The following CDAN1 variants were observed in gnomAD, a reference collection of about 807,000 sequenced individuals.
CDAN1 encodes codanin 1.
CDAN1 carries 107 observed loss-of-function variants against 139.8 expected under a neutral mutation model. The ratio of observed to expected loss-of-function variants is 0.77; its 90% CI spans 0.65 to 0.90. The LOEUF (loss-of-function observed/expected upper bound fraction) is 0.90, where lower values mean the gene tolerates loss of function less well. Ranked by LOEUF, CDAN1 falls within the 40% of genes least tolerant of loss-of-function variation. The probability of loss-of-function intolerance (pLI) is 0.00; values close to 1 mark genes in which losing one functional copy is unlikely to be tolerated. For missense variants in CDAN1, 1,667 were observed against 1,575.7 expected (o/e 1.06, Z -0.98); for synonymous variants, 776 against 660.6 (o/e 1.17, Z -2.68).
Position 42,737,105 on chromosome 15 carries a change from C to G in CDAN1, c.-3G>C. ...AGCGACTCCAAAACGGCCGCCATCCCGGTCGGGGCGCTCTGGGGCGACTGC... is the reference window on the plus strand; with the variant it reads ...AGCGACTCCAAAACGGCCGCCATCCGGGTCGGGGCGCTCTGGGGCGACTGC... On this transcript the variant is annotated 5_prime_UTR_variant, in exon 1 of 28. Coordinates refer to ENST00000356231, the MANE Select transcript of CDAN1 (RefSeq NM_138477.4). 2 of 1,477,988 alleles carry G rather than the reference C, an allele frequency of 1.4e-6. No homozygotes were observed. The highest frequency in any genetic ancestry group is 1.8e-6 in the Non-Finnish European group (2 of 1,108,780). The allele number at this position is 1,477,988 out of a possible 1,614,324, so 91.6% of individuals were successfully genotyped here.
rs912166783 is a variant in CDAN1, at chr15:42,731,055, A to T, written c.1877T>A (p.Phe626Tyr). 4.3e-6 allele frequency: 7 copies of T among 1,614,082 alleles called. No homozygotes were observed. In the African/African-American group the frequency reaches 9.3e-5, roughly 22 times the overall value. ...TCTCAGGCTAAGAAGCACCACAGCAAATTGCTTCCGCTCACCCTGCATGGA... is the reference window on the plus strand; with the variant it reads ...TCTCAGGCTAAGAAGCACCACAGCATATTGCTTCCGCTCACCCTGCATGGA... ...DVDWQGERKQ[F>Y]AVVLLSLRLL... Residue 626 changes from phenylalanine (F) to tyrosine (Y), a missense_variant, in exon 13 of 28, where the codon TTT becomes TAT. By Grantham distance (22) the Phe-to-Tyr change is conservative. Around this residue, in one of 3 missense-constraint regions of CDAN1, gnomAD observed 936 missense variants for 844.1 expected, o/e 1.11. Transcript: ENST00000356231.
chr15:42,729,922 A>ACCCCCCCCCCCCCCCCCCCC, intron 15 of CDAN1, 37 bp from the exon 16 acceptor site: 1 of 1,513,204 alleles, frequency 6.6e-7, no homozygotes, highest in Non-Finnish European at 9.1e-7. Flanking sequence ...AACTTCAGAG[A>ACCCCCCCCCCCCCCCCCCCC]CCCCCACCCA....
Position 42,737,126 on chromosome 15 carries a change from A to C in CDAN1, c.-24T>G. On this transcript the variant is annotated 5_prime_UTR_variant, in exon 1 of 28. Coordinates refer to ENST00000356231, the MANE Select transcript of CDAN1 (RefSeq NM_138477.4). ...ATCCCGGTCGGGGCGCTCTGGGGCGACTGCGCAGGCGCCGGCGCGCCGCGG... is the reference window on the plus strand; with the variant it reads ...ATCCCGGTCGGGGCGCTCTGGGGCGCCTGCGCAGGCGCCGGCGCGCCGCGG... 7.1e-7 allele frequency: 1 copy of C among 1,413,496 alleles called. No homozygotes were observed. The highest frequency in any genetic ancestry group is 9.3e-7 in the Non-Finnish European group (1 of 1,071,514). 87.6% of individuals were successfully genotyped at this position (1,413,496 alleles called of 1,614,324 possible).
At position 42,731,717 on chromosome 15, in the gene CDAN1, G is replaced by A; in HGVS notation, c.1642C>T (p.Arg548Trp). The A allele has an allele frequency of 6.2e-7, 1 of 1,614,118 alleles. No homozygotes were observed. ...CCACTGCTCTGAGGAGCCATAAGCC[G>A]TTCCTGTAGGCGCCACAACCGCCCC... ...KLGRLWRLQE[R>W]LMAPQSSGGP... The change falls in exon 11 of 28, where the codon CGG becomes TGG. Residue 548 changes from arginine to tryptophan, a missense_variant. Arg to Trp is a moderately radical substitution (Grantham distance 101). Transcript: ENST00000356231.
intron 2 of CDAN1, 62 bp downstream of exon 2, chr15:42,736,240 C>G (rs761066106): frequency 1.0e-4 from 162 of 1,605,016 alleles, no homozygotes; most frequent in Non-Finnish European, 1.3e-4. Flanking sequence ...GCGCCGAGCT[C>G]GAATGACTGA....
chr15:42,728,199 C>T lies in CDAN1; in HGVS notation c.2868+5G>A, dbSNP rs1353450956. On this transcript the variant is annotated splice_donor_5th_base_variant and intron_variant, in intron 21 of 27. Transcript: ENST00000356231. Reference sequence around the variant, plus strand: ...CTGCTAGCTGCAGGCCTCCCTCACACGTACGGCTGCCGGGGTCTCCTCTGG... The same window carrying T: ...CTGCTAGCTGCAGGCCTCCCTCACATGTACGGCTGCCGGGGTCTCCTCTGG... 1.2e-6 allele frequency: 2 copies of T among 1,613,468 alleles called. No individual in the cohort carries two copies. The highest frequency in any genetic ancestry group is 1.7e-6 in the Non-Finnish European group (2 of 1,179,924).
At position 42,725,138 on chromosome 15, in the gene CDAN1, CCT is replaced by C. The variant is rs752993244; in HGVS notation, c.3558+4_3558+5del. On this transcript the variant is annotated splice_donor_5th_base_variant and intron_variant, in intron 27 of 27. Coordinates refer to ENST00000356231, the MANE Select transcript of CDAN1 (RefSeq NM_138477.4). ...CTCTCCACCTAAAAGACAGGAGACT[CCT>C]TACCCCTGGCCACTGGGCCTGGTGG... is the stretch of plus-strand genomic sequence containing the variant. 6.2e-7 allele frequency: 1 copy of C among 1,608,950 alleles called. No individual in the cohort carries two copies. The highest frequency in any genetic ancestry group is 1.1e-5 in the South Asian group (1 of 90,968).
intron 12 of CDAN1, 32 bp from the exon 13 acceptor site, chr15:42,731,103 A>G (rs774746959): frequency 3.1e-6 from 5 of 1,614,118 alleles, no homozygotes; most frequent in Non-Finnish European, 4.2e-6. Flanking sequence ...AAAAGGTCCA[A>G]GCATGAGGCT....
rs2061492335 is a variant in CDAN1 at position 42,724,116 on chromosome 15, T to C, written c.*375A>G. The C allele has an allele frequency of 3.2e-6, 1 of 316,092 alleles. No individual in the cohort carries two copies. The highest frequency in any genetic ancestry group is 2.2e-5 in the African/African-American group (1 of 46,500). The allele number at this position is 316,092 out of a possible 1,614,324, so 19.6% of individuals were successfully genotyped here. A position where few individuals can be genotyped will look rare whatever the true frequency, so the allele number is the denominator to read the frequency against. On this transcript the variant is annotated 3_prime_UTR_variant, in exon 28 of 28. Coordinates refer to ENST00000356231, the MANE Select transcript of CDAN1 (RefSeq NM_138477.4). ...TTCTTCATAAGTTAAGCAGGAGTCA[T>C]TTGCCTCTGTCATGAATTCCAAGAC...
At position 42,736,394 on chromosome 15, in the gene CDAN1, G is replaced by GGGGCGGCTA. The variant is rs765016959; in HGVS notation, c.476_477insTAGCCGCCC (p.Arg161_Ser163dup). On this transcript the variant is annotated inframe_insertion, in exon 2 of 28. Coordinates refer to ENST00000356231, the MANE Select transcript of CDAN1 (RefSeq NM_138477.4). ...CAGACAGCGTGAGGCTGGGGCGGCT[G>GGGGCGGCTA]GGGCTGCCAGAGCCCCTAAGCCTCC... The GGGGCGGCTA allele has an allele frequency of 1.8e-5, 29 of 1,611,900 alleles. No homozygotes were observed. In the Middle Eastern group the frequency reaches 5.0e-4, roughly 28 times the overall value.
At position 42,734,275 on chromosome 15, in the gene CDAN1, G is replaced by A; in HGVS notation, c.1208C>T (p.Pro403Leu). The change falls in exon 7 of 28, where the codon CCA (proline) becomes CTA (leucine). Residue 403 changes from proline to leucine, a missense_variant. Pro to Leu is a moderately conservative substitution (Grantham distance 98, BLOSUM62 -3). Around this residue, in one of 3 missense-constraint regions of CDAN1, gnomAD observed 244 missense variants for 309.4 expected, o/e 0.79. Transcript: ENST00000356231. ...AENERLLCFS[P>L]ALQGRLRAAY... ...AGCTCGAAGGCGGCCTTGCAGAGCT[G>A]GTGAGAAGCACAGCAGCCGCTCATT... 6.2e-7 allele frequency: 1 copy of A among 1,614,094 alleles called. No individual in the cohort carries two copies. Among genetic ancestry groups the A allele is most frequent in the South Asian group, 1.1e-5 (1 of 91,076 alleles).
intron 10 of CDAN1, 32 bp downstream of exon 10, chr15:42,732,301 A>C (rs1474580406): frequency 6.3e-7 from 1 of 1,598,100 alleles, no homozygotes; most frequent in African/African-American, 1.3e-5. Flanking sequence ...CCTGCTGTTT[A>C]ATGTGGATTA....
Position 42,737,107 on chromosome 15 carries a change from G to A in CDAN1, c.-5C>T. 1 of 1,510,446 alleles carries A rather than the reference G, an allele frequency of 6.6e-7. No homozygotes were observed. Among genetic ancestry groups the A allele is most frequent in the African/African-American group, 1.4e-5 (1 of 69,990 alleles). 93.6% of individuals were successfully genotyped at this position (1,510,446 alleles called of 1,614,324 possible). Reference sequence around the variant, plus strand: ...CGACTCCAAAACGGCCGCCATCCCGGTCGGGGCGCTCTGGGGCGACTGCGC... The same window carrying A: ...CGACTCCAAAACGGCCGCCATCCCGATCGGGGCGCTCTGGGGCGACTGCGC... On this transcript the variant is annotated 5_prime_UTR_variant, in exon 1 of 28. Transcript: ENST00000356231.
In CDAN1 at chr15:42,729,638, T is replaced by C; in HGVS notation, c.2353-16A>G. 1.9e-6 allele frequency: 3 copies of C among 1,613,832 alleles called. No homozygotes were observed. The highest frequency in any genetic ancestry group is 1.3e-5 in the African/African-American group (1 of 74,976). On this transcript the variant is annotated splice_polypyrimidine_tract_variant and intron_variant, in intron 16 of 27. Coordinates refer to ENST00000356231, the MANE Select transcript of CDAN1 (RefSeq NM_138477.4). The stretch of plus-strand genomic sequence containing the variant: ...GCGCATTGTCCTGGGGAGAAAAGGT[T>C]GGTGTCAGCAGACTGCCCCTCCCCC...
rs565555490 is a variant in CDAN1 at position 42,730,294 on chromosome 15, G to C, written c.2175-79C>G. On this transcript the variant is annotated intron_variant, in intron 14 of 27. Coordinates refer to ENST00000356231, the MANE Select transcript of CDAN1 (RefSeq NM_138477.4). The stretch of plus-strand genomic sequence containing the variant: ...AGGCAAACGCCATCAGTGGAAACTG[G>C]CTTGCAAAAGCAGAACTAAAAGGGA... 3.7e-6 allele frequency: 5 copies of C among 1,340,018 alleles called. No homozygotes were observed. In the African/African-American group the frequency reaches 5.7e-5, roughly 15 times the overall value. 83.0% of individuals were successfully genotyped at this position (1,340,018 alleles called of 1,614,324 possible).
At chr15:42,728,576 G>A (rs1240323248) in intron 20 of CDAN1, 76 bp downstream of exon 20, 4 of 1,574,714 alleles carry the variant, frequency 2.5e-6, no homozygotes, top group East Asian at 4.5e-5. Flanking sequence ...AGGGAAAAAA[G>A]AGTAAGTGTG....
At chr15:42,725,096 T>G (rs2061504843) in intron 27 of CDAN1, 48 bp downstream of exon 27, 2 of 1,456,502 alleles carry the variant, frequency 1.4e-6, no homozygotes, top group Non-Finnish European at 1.9e-6. Flanking sequence ...ACAGATGGGA[T>G]ATGTAACACC....
Position 42,735,083 on chromosome 15 carries a change from C to CA in CDAN1, c.1136+16dup, listed in dbSNP as rs1301476170. ...TGATGAGAATGAGGCCCAAATGCCT[C>CA]AGCCAGGGAAACTCACTGAAAGTGA... On this transcript the variant is annotated intron_variant, in intron 6 of 27. Transcript: ENST00000356231. The CA allele has an allele frequency of 1.9e-6, 3 of 1,596,142 alleles. No individual in the cohort carries two copies. The highest frequency in any genetic ancestry group is 1.7e-5 in the Admixed American group (1 of 59,858).
chr15:42,733,133 C>G lies in CDAN1; in HGVS notation c.1421G>C (p.Gly474Ala). 1.2e-6 allele frequency: 2 copies of G among 1,614,100 alleles called. No individual in the cohort carries two copies. Among genetic ancestry groups the G allele is most frequent in the Non-Finnish European group, 1.7e-6 (2 of 1,180,024 alleles). The change falls in exon 9 of 28, where the codon GGC becomes GCC. Residue 474 changes from glycine (G) to alanine (A), a missense_variant. Physicochemically the swap from Gly to Ala is moderately conservative, Grantham distance 60. This residue lies in a region of CDAN1 where 244 missense variants were observed against 309.4 expected (regional missense o/e 0.79). Coordinates refer to ENST00000356231, the MANE Select transcript of CDAN1 (RefSeq NM_138477.4). ...GCCCAAGCCCTTCTCAAAATCCCAG[C>G]CAGGCTCCTCATGGTGATCTTCCCA... ...REWEDHHEEP[G>A]WDFEKGLGSR...
Sources: allele counts gnomAD v4.1 joint callset, GRCh38; gene constraint gnomAD v4.1.1; regional missense constraint gnomAD v4.1.1; transcripts MANE v1.5; gene names NCBI Gene and HGNC (gene_info 2026-07-23, HGNC 2026-07-21).